EPHA6: variants seen among roughly 807,000 people sequenced by gnomAD.
EPHA6 encodes ephrin type-A receptor 6.
In EPHA6, 50 loss-of-function variants were observed where a neutral mutation model predicts 112.0. That is an observed-to-expected ratio of 0.45 (90% CI 0.36 to 0.56). EPHA6 has a LOEUF of 0.56. Among genes scored for constraint, EPHA6 ranks in the 20% least tolerant of loss-of-function variants. The probability of loss-of-function intolerance (pLI) is 0.00; values close to 1 mark genes in which losing one functional copy is unlikely to be tolerated. For missense variants in EPHA6, 1,280 were observed against 1,417.4 expected, an observed-to-expected ratio of 0.90 and a Z score of 1.56; for synonymous variants, 529 against 490.7, an observed-to-expected ratio of 1.08 and a Z score of -1.03.
Position 97,751,475 on chromosome 3 carries a change from C to T in EPHA6, c.*2774C>T, listed in dbSNP as rs2035899430. ...ACTTTGAACTTCATTATGGTTATGG[C>T]AACATTGAAACATGTGTGCAAGATT... On this transcript the variant is annotated 3_prime_UTR_variant, in exon 18 of 18. Coordinates refer to ENST00000389672, the MANE Select transcript of EPHA6 (RefSeq NM_001080448.3). Among the ~76,000 whole-genome samples the T allele has an allele frequency of 6.6e-6, 1 of 151,950 alleles. No homozygotes were observed.
rs767151559 is a variant in EPHA6 at position 97,327,577 on chromosome 3, C to T, written c.1607-77573C>T. On this transcript the variant is annotated intron_variant, in intron 5 of 17. Coordinates refer to ENST00000389672, the MANE Select transcript of EPHA6 (RefSeq NM_001080448.3). ...GTCAAGATACTGGACAGTACCAACACTGCAAAGATCCCCCCACGTTGCTTT... is the reference window on the plus strand; with the variant it reads ...GTCAAGATACTGGACAGTACCAACATTGCAAAGATCCCCCCACGTTGCTTT... Among the ~76,000 whole-genome samples the T allele has an allele frequency of 2.0e-5, 3 of 151,764 alleles. No individual in the cohort carries two copies. In the Admixed American group the frequency reaches 2.0e-4, roughly 10 times the overall value.
intron 3 of EPHA6, among the ~76,000 whole-genome samples, chr3:97,030,518 C>T (rs2044789808): frequency 6.6e-6 from 1 of 152,044 alleles, no homozygotes; most frequent in Non-Finnish European, 1.5e-5. Flanking sequence ...CTTTTTTCTC[C>T]TCCTTTTCCT....
chr3:96,858,897 A>G (rs1451278935), intron 1 of EPHA6, among the ~76,000 whole-genome samples: 1 of 152,114 alleles, frequency 6.6e-6, no homozygotes, highest in African/African-American at 2.4e-5. Flanking sequence ...ACAAATGTCC[A>G]CTTCGATTTT....
chr3:97,292,957 AGCATCCAGTTCTCAGTGAAGAGAAGACCC>A (rs2080743961), intron 5 of EPHA6, among the ~76,000 whole-genome samples: 1 of 151,606 alleles, frequency 6.6e-6, no homozygotes, highest in Admixed American at 6.6e-5. Context: ...CATCTCACCG[AGCATCCAGTTCTCAGTGAAGAGAAGACCC>A]ATGGTGTCTA....
At chr3:97,106,369 G>T (rs2047569075) in intron 3 of EPHA6, among the ~76,000 whole-genome samples, 1 of 151,736 alleles carries the variant, frequency 6.6e-6, no homozygotes, top group Admixed American at 6.6e-5. Flanking sequence ...CTCAATTCCA[G>T]GTTTACAAGC....
chr3:97,140,917 G>C (rs1276036127), intron 3 of EPHA6, among the ~76,000 whole-genome samples: 3 of 152,010 alleles, frequency 2.0e-5, no homozygotes, highest in Admixed American at 2.0e-4. Flanking sequence ...CCAATCATTT[G>C]CTGCCTACAG....
intron 3 of EPHA6, among the ~76,000 whole-genome samples, chr3:97,015,014 C>A (rs1374008448): frequency 1.3e-5 from 2 of 152,012 alleles, no homozygotes; most frequent in Non-Finnish European, 2.9e-5. Flanking sequence ...ATTTAATGAA[C>A]CCTCCACCAA....
intron 6 of EPHA6, among the ~76,000 whole-genome samples, chr3:97,410,276 G>A (rs533124450): frequency 7.5e-4 from 114 of 152,078 alleles, no homozygotes; most frequent in Non-Finnish European, 1.3e-3. Flanking sequence ...TAGATAATCA[G>A]TAACATGCAT....
Position 97,270,372 on chromosome 3 carries a change from G to T in EPHA6, c.1606+26085G>T, listed in dbSNP as rs2079838734. ...TGCTTTCATCATTTTTTCCCTTGTG[G>T]GTTAAGAAATCTTTTTATCCTCCAA... On this transcript the variant is annotated intron_variant, in intron 5 of 17. Coordinates refer to ENST00000389672, the MANE Select transcript of EPHA6 (RefSeq NM_001080448.3). Among the ~76,000 whole-genome samples, 3 of 151,996 alleles carry T rather than the reference G, an allele frequency of 2.0e-5. No homozygotes were observed. In the South Asian group the frequency reaches 6.2e-4, roughly 32 times the overall value.
At chr3:97,447,369 G>T (rs918603613) in intron 6 of EPHA6, among the ~76,000 whole-genome samples, 1 of 152,052 alleles carries the variant, frequency 6.6e-6, no homozygotes, top group East Asian at 1.9e-4. Context: ...GAATATTATA[G>T]ACAGAATTTA....
chr3:97,057,503 T>C (rs553823345), intron 3 of EPHA6, among the ~76,000 whole-genome samples: 1 of 152,254 alleles, frequency 6.6e-6, no homozygotes, highest in East Asian at 1.9e-4. Flanking sequence ...GAAAGGACAG[T>C]CAAACCTCTG....
At chr3:97,648,313 C>G (rs1560229693) in intron 14 of EPHA6, 2 of 1,381,502 alleles carry the variant, frequency 1.4e-6, no homozygotes, top group African/African-American at 2.9e-5. Context: ...AACACTTAAC[C>G]TCTGCTATTC....
intron 5 of EPHA6, among the ~76,000 whole-genome samples, chr3:97,325,049 TG>T (rs1017781338): frequency 2.6e-5 from 4 of 152,078 alleles, no homozygotes; most frequent in Admixed American, 6.6e-5. Context: ...GTACGCTGGC[TG>T]GGCCTAATTC....
intron 3 of EPHA6, among the ~76,000 whole-genome samples, chr3:97,094,113 C>G (rs1353648315): frequency 6.6e-6 from 1 of 152,138 alleles, no homozygotes; most frequent in Non-Finnish European, 1.5e-5. Context: ...TATGTAGCGT[C>G]AAAGTCATAT....
At chr3:97,345,661 T>G in intron 5 of EPHA6, among the ~76,000 whole-genome samples, 1 of 152,126 alleles carries the variant, frequency 6.6e-6, no homozygotes, top group Non-Finnish European at 1.5e-5. Flanking sequence ...AGAGAAGGTA[T>G]TGGATATCTA....
At chr3:97,559,450 C>A (rs2093158701) in intron 11 of EPHA6, 5 of 301,748 alleles carry the variant, frequency 1.7e-5, no homozygotes, top group Admixed American at 9.4e-5. Context: ...CAGTTGGGAG[C>A]CACTCTTCTA....
intron 12 of EPHA6, among the ~76,000 whole-genome samples, chr3:97,607,273 C>A (rs1257145310): frequency 6.8e-6 from 1 of 147,438 alleles, no homozygotes; most frequent in Non-Finnish European, 1.5e-5. Flanking sequence ...ATTTTGTTTT[C>A]TTTAACAACA....
intron 2 of EPHA6, among the ~76,000 whole-genome samples, chr3:96,980,977 A>G (rs2042745380): frequency 6.6e-6 from 1 of 152,226 alleles, no homozygotes; most frequent in African/African-American, 2.4e-5. Flanking sequence ...TTCTAAATAT[A>G]CAAGCATGTC....
chr3:97,257,840 T>C (rs115788138), intron 5 of EPHA6, among the ~76,000 whole-genome samples: 144 of 152,208 alleles, frequency 9.5e-4, no homozygotes, highest in Non-Finnish European at 1.8e-3. Context: ...ATGAGAATAA[T>C]GTTTACAATA....
Sources: gnomAD v4.1 joint callset for allele counts (sites outside exome capture counted in the v4.1 genomes callset) on GRCh38, gnomAD v4.1.1 for gene constraint, MANE v1.5 for transcripts, NCBI Gene and HGNC (gene_info 2026-07-23, HGNC 2026-07-21) for gene names.